Variants in AP2A2 observed in about 807,000 individuals in gnomAD.
AP2A2 encodes the protein adaptor related protein complex 2 subunit alpha 2.
In AP2A2, 32 loss-of-function variants were observed where a neutral mutation model predicts 104.2. The ratio of observed to expected loss-of-function variants is 0.31; its 90% CI spans 0.23 to 0.41. AP2A2 has a LOEUF of 0.41. AP2A2 is among the 10% of genes least tolerant of loss of function. AP2A2 has a pLI of 1.00. For synonymous variants in AP2A2, 539 were observed against 533.3 expected (o/e 1.01, Z -0.15); for missense variants, 912 against 1,261.0 (o/e 0.72, Z 4.19).
At chr11:1,001,892 C>T (rs947584850) in intron 15 of AP2A2, among the ~76,000 whole-genome samples, 2 of 152,162 alleles carry the variant, frequency 1.3e-5, no homozygotes, top group African/African-American at 2.4e-5. Flanking sequence ...CTTGTGCATG[C>T]GGCCGTCTTG....
At position 1,009,139 on chromosome 11, in the gene AP2A2, C is replaced by A; in HGVS notation, c.2460C>A (p.Pro820=). Residue 820 remains proline, a synonymous_variant, in exon 19 of 22, where the codon CCC becomes CCA. Transcript: ENST00000448903. ...GTFQNVSVQL[P]ITLNKFFQPT... is the part of the protein sequence containing the mutation. ...TCCAGAACGTGTCTGTGCAGCTGCC[C>A]ATCACTCTCAACAAATTCTTCCAGC... 6.2e-7 allele frequency: 1 copy of A among 1,613,504 alleles called. No homozygotes were observed. The highest frequency in any genetic ancestry group is 8.5e-7 in the Non-Finnish European group (1 of 1,179,876).
intron 1 of AP2A2, among the ~76,000 whole-genome samples, chr11:927,188 CA>C (rs1374885377): frequency 6.6e-6 from 1 of 152,074 alleles, no homozygotes; most frequent in Non-Finnish European, 1.5e-5. Context: ...CCTCCGGAGT[CA>C]CTGGGACTAC....
chr11:983,595 G>T (rs189496354), intron 6 of AP2A2, among the ~76,000 whole-genome samples: 13 of 151,856 alleles, frequency 8.6e-5, no homozygotes, highest in Admixed American at 5.9e-4. Context: ...GTGTTAGCCA[G>T]GATGGTCTCG....
rs1856443112 is a variant in AP2A2, at chr11:1,011,817, T to C, written c.*1192T>C. ...CTGCTGTGCGGGTCCCTGGGGCAGC[T>C]GCAGGGGCTCATGGACCCATCAGGG... On this transcript the variant is annotated 3_prime_UTR_variant, in exon 22 of 22. Coordinates refer to ENST00000448903, the MANE Select transcript of AP2A2 (RefSeq NM_012305.4). The C allele has an allele frequency of 3.3e-6, 1 of 298,980 alleles. No homozygotes were observed. The highest frequency in any genetic ancestry group is 9.5e-5 in the East Asian group (1 of 10,508). 18.5% of individuals were successfully genotyped at this position (298,980 alleles called of 1,614,324 possible). A position where few individuals can be genotyped will look rare whatever the true frequency, so the allele number is the denominator to read the frequency against.
At chr11:990,514 G>A (rs943593316) in intron 10 of AP2A2, among the ~76,000 whole-genome samples, 10 of 152,254 alleles carry the variant, frequency 6.6e-5, no homozygotes, top group African/African-American at 2.4e-4. Flanking sequence ...AGATTTTGAG[G>A]TCCTGGGCAT....
chr11:1,003,539 C>T, intron 15 of AP2A2, 183 bp from the exon 16 acceptor site: 1 of 507,702 alleles, frequency 2.0e-6, no homozygotes. Context: ...GCGTCCTGCT[C>T]ACCGTCCTCC....
At position 1,006,557 on chromosome 11, in the gene AP2A2, A is replaced by G. The variant is rs1475404929; in HGVS notation, c.2236A>G (p.Thr746Ala). 1.2e-6 allele frequency: 2 copies of G among 1,613,502 alleles called. No homozygotes were observed. Among genetic ancestry groups the G allele is most frequent in the Non-Finnish European group, 1.7e-6 (2 of 1,179,776 alleles). Residue 746 changes from threonine (T) to alanine (A), a missense_variant, in exon 17 of 22, where the codon ACC (threonine) becomes GCC (alanine). Physicochemically the swap from Thr to Ala is moderately conservative, Grantham distance 58. This residue lies in a region of AP2A2 where 239 missense variants were observed against 329.8 expected (regional missense o/e 0.72). Transcript: ENST00000448903. Reference protein sequence around the residue: ...GRMFIFYGNKTSTQFLNFTPT... With the variant: ...GRMFIFYGNKASTQFLNFTPT... ...GATGTTTATCTTTTATGGTAATAAG[A>G]CCTCCACGCAGTTCCTAAACTTTAC...
At chr11:975,424 G>A (rs1216500611) in intron 4 of AP2A2, among the ~76,000 whole-genome samples, 5 of 149,816 alleles carry the variant, frequency 3.3e-5, no homozygotes, top group African/African-American at 1.2e-4. Context: ...TCTCCCTTGT[G>A]TGAGCCGACG....
rs1051694464 is a variant in AP2A2 at position 992,086 on chromosome 11, C to T, written c.1270-417C>T. On this transcript the variant is annotated intron_variant, in intron 10 of 21. Coordinates refer to ENST00000448903, the MANE Select transcript of AP2A2 (RefSeq NM_012305.4). This position sits in a 1 kb window ranked among gnomAD's most constrained non-coding sequence, Gnocchi z 6.4. ...CGGAAGAAACCAGCAGAGAAGTGGC[C>T]GCCGGGAGCCCAGGGTGGCGCAGTC... Among the ~76,000 whole-genome samples, 3 of 151,912 alleles carry T rather than the reference C, an allele frequency of 2.0e-5. No individual in the cohort carries two copies. Among genetic ancestry groups the T allele is most frequent in the East Asian group, 1.9e-4 (1 of 5,174 alleles).
intron 3 of AP2A2, among the ~76,000 whole-genome samples, 187 bp downstream of exon 3, chr11:970,498 C>T (rs549449658): frequency 6.1e-4 from 93 of 152,382 alleles, no homozygotes; most frequent in South Asian, 2.1e-3. Flanking sequence ...TGCGGGCCCC[C>T]TTCCCGCCCA....
chr11:948,307 G>A (rs1266161192), intron 1 of AP2A2: 1 of 152,184 alleles, frequency 6.6e-6, no homozygotes, highest in East Asian at 1.9e-4. Context: ...AGGATTATAA[G>A]AGAATTCCAT....
chr11:983,653 G>A (rs988648342), intron 6 of AP2A2, among the ~76,000 whole-genome samples: 14 of 151,982 alleles, frequency 9.2e-5, no homozygotes, highest in African/African-American at 1.7e-4. Flanking sequence ...AAAGTGCTGG[G>A]ATTACAGGCG....
rs370916775 is a variant in AP2A2 at position 985,415 on chromosome 11, C to T, written c.815-20C>T. ...CGGGCCACTGGAGACTGGTGAGCAC[C>T]GTTCTGTCTTGCCCAGAAGACCCTG... On this transcript the variant is annotated intron_variant, in intron 7 of 21. Transcript: ENST00000448903. The T allele has an allele frequency of 2.4e-5, 38 of 1,609,374 alleles. No individual in the cohort carries two copies. Among genetic ancestry groups the T allele is most frequent in the Admixed American group, 1.2e-4 (7 of 59,378 alleles).
At chr11:985,263 G>T (rs186428690) in intron 7 of AP2A2, 172 bp from the exon 8 acceptor site, 9 of 835,264 alleles carry the variant, frequency 1.1e-5, no homozygotes, top group African/African-American at 1.0e-4. Context: ...GATTACAGAA[G>T]TGAGCCACCG....
chr11:1,009,498 C>A, intron 20 of AP2A2, 101 bp downstream of exon 20: 4 of 1,372,978 alleles, frequency 2.9e-6, no homozygotes, highest in South Asian at 2.5e-5. Context: ...CATGACCCCG[C>A]GCCAGGGTCT....
At chr11:975,600 G>C (rs12796454) in intron 4 of AP2A2, among the ~76,000 whole-genome samples, 1 of 151,038 alleles carries the variant, frequency 6.6e-6, no homozygotes, top group Non-Finnish European at 1.5e-5. Context: ...TGGGGTCCTC[G>C]GTCTCCCTCG....
chr11:938,987 C>G (rs543405819), intron 1 of AP2A2, among the ~76,000 whole-genome samples: 1 of 152,130 alleles, frequency 6.6e-6, no homozygotes, highest in East Asian at 1.9e-4. Flanking sequence ...GGTGCGGTGG[C>G]TCACGCCTGT....
intron 6 of AP2A2, 92 bp from the exon 7 acceptor site, chr11:984,553 G>T: frequency 1.9e-6 from 2 of 1,063,664 alleles, no homozygotes; most frequent in Non-Finnish European, 1.4e-6. Flanking sequence ...CAGCTCAGGC[G>T]TGACCCGAGG....
rs373085530 is a variant in AP2A2, at chr11:992,601, G to C, written c.1368G>C (p.Val456=). 3.1e-5 allele frequency: 50 copies of C among 1,613,854 alleles called. No homozygotes were observed. Among genetic ancestry groups the C allele is most frequent in the Non-Finnish European group, 4.1e-5 (48 of 1,179,900 alleles). Residue 456 remains valine, a synonymous_variant, in exon 11 of 22, where the codon GTG becomes GTC. Coordinates refer to ENST00000448903, the MANE Select transcript of AP2A2 (RefSeq NM_012305.4). The surrounding 1 kb of genome is among the most constrained non-coding windows in gnomAD (Gnocchi z 6.4). Reference sequence around the variant, plus strand: ...TGATCCGAATTGCTGGTGATTACGTGAGTGAAGAGGTGTGGTACCGAGTCA... The same window carrying C: ...TGATCCGAATTGCTGGTGATTACGTCAGTGAAGAGGTGTGGTACCGAGTCA... The part of the protein sequence containing the change: ...LNLIRIAGDY[V]SEEVWYRVIQ...
Sources: allele counts gnomAD v4.1 joint callset (sites outside exome capture counted in the v4.1 genomes callset), GRCh38; gene constraint gnomAD v4.1.1; regional missense constraint gnomAD v4.1.1; non-coding constraint Gnocchi (gnomAD v3.1); transcripts MANE v1.5; gene names NCBI Gene and HGNC (gene_info 2026-07-23, HGNC 2026-07-21).